The following EFHD1 variants were observed in gnomAD, a reference collection of about 807,000 sequenced individuals.
The protein encoded by EFHD1 is EF-hand domain family member D1, also known as EF-hand domain-containing protein D1.
A neutral mutation model predicts 17.2 loss-of-function variants in EFHD1; 10 were observed. The observed-to-expected ratio is 0.58, with a 90% confidence interval of 0.36 to 0.99. The LOEUF (loss-of-function observed/expected upper bound fraction) is 0.99. Ranked by LOEUF, EFHD1 falls within the 50% of genes least tolerant of loss-of-function variation. The pLI, the probability that EFHD1 is intolerant of heterozygous loss-of-function variation, is 0.01. For synonymous variants in EFHD1, 153 were observed against 142.0 expected (o/e 1.08, Z -0.55); for missense variants, 310 against 327.5 (o/e 0.95, Z 0.41).
At chr2:232,626,382 T>TAA (rs35824980) in intron 1 of EFHD1, among the ~76,000 whole-genome samples, 1 of 151,174 alleles carries the variant, frequency 6.6e-6, no homozygotes, top group African/African-American at 2.4e-5. Context: ...CTCACCTCTA[T>TAA]AAAAAATACA....
intron 1 of EFHD1, among the ~76,000 whole-genome samples, chr2:232,653,440 G>A (rs905829784): frequency 1.3e-5 from 2 of 152,118 alleles, no homozygotes; most frequent in South Asian, 2.1e-4. Context: ...ACAGGCACGC[G>A]CCACCAGGTC....
At chr2:232,650,952 G>T (rs918265013) in intron 1 of EFHD1, among the ~76,000 whole-genome samples, 1 of 152,196 alleles carries the variant, frequency 6.6e-6, no homozygotes, top group African/African-American at 2.4e-5. Context: ...TAAGATGTTG[G>T]CAGAGAAGGA....
intron 1 of EFHD1, chr2:232,638,301 C>G (rs1328944705): frequency 2.1e-6 from 1 of 468,550 alleles, no homozygotes; most frequent in Non-Finnish European, 4.4e-6. Flanking sequence ...TCTTAAAATG[C>G]AGCCGCAAGG....
chr2:232,674,186 C>A (rs534992841), intron 3 of EFHD1, among the ~76,000 whole-genome samples: 1 of 152,200 alleles, frequency 6.6e-6, no homozygotes, highest in Non-Finnish European at 1.5e-5. Flanking sequence ...GGATAACAGG[C>A]GTGAGCCACC....
At position 232,633,749 on chromosome 2, in the gene EFHD1, G is replaced by A; in HGVS notation, c.45G>A (p.Arg15=). The change falls in exon 1 of 4, where the codon CGG becomes CGA. Residue 15 remains arginine (R), a synonymous_variant. Transcript: ENST00000264059. ...CGTGCAAGCTGGAGCGCCGGCTGCG[G>A]CGCGAGGAGGCCGAGGAGAGTGGCC... ...ELACKLERRL[R]REEAEESGPQ... is the part of the protein sequence containing the mutation. 6.8e-7 allele frequency: 1 copy of A among 1,469,470 alleles called. No individual in the cohort carries two copies. 91.0% of individuals were successfully genotyped at this position (1,469,470 alleles called of 1,614,324 possible). A position where few individuals can be genotyped will look rare whatever the true frequency, so the allele number is the denominator to read the frequency against.
chr2:232,607,715 C>T (rs1309063228), intron 1 of EFHD1, among the ~76,000 whole-genome samples: 1 of 151,552 alleles, frequency 6.6e-6, no homozygotes, highest in Non-Finnish European at 1.5e-5. Flanking sequence ...GATTGGGCCA[C>T]TGCACTCCAG....
intron 1 of EFHD1, among the ~76,000 whole-genome samples, chr2:232,627,014 G>GTCTCTCTC (rs34012045): frequency 0.03 from 2,103 of 69,112 alleles, 50 homozygotes; most frequent in Non-Finnish European, 0.039. Flanking sequence ...GTGAGATCCT[G>GTCTCTCTC]TCTCTCTCTC....
In EFHD1 at chr2:232,633,923, G is replaced by A. The variant is rs758615295; in HGVS notation, c.219G>A (p.Arg73=). ...LDINEGAARP[R]RCRVFNPYTE... is the part of the protein sequence containing the mutation. ...TCAACGAGGGCGCTGCGCGGCCCCG[G>A]CGCTGCAGGGTCTTCAACCCCTACA... Residue 73 remains arginine, a synonymous_variant, in exon 1 of 4, where the codon CGG becomes CGA. Transcript: ENST00000264059. 2.5e-6 allele frequency: 4 copies of A among 1,590,302 alleles called. No individual in the cohort carries two copies. In the Admixed American group the frequency reaches 5.0e-5, roughly 20 times the overall value.
At chr2:232,633,402 G>T, upstream of EFHD1, 1 of 1,159,154 alleles carries the variant, frequency 8.6e-7, no homozygotes, top group Non-Finnish European at 1.1e-6. Context: ...GGGACGGTCA[G>T]CCTCCCGCCC....
At chr2:232,660,030 T>G (rs1048885139) in intron 1 of EFHD1, among the ~76,000 whole-genome samples, 6 of 152,126 alleles carry the variant, frequency 3.9e-5, no homozygotes, top group African/African-American at 1.4e-4. Flanking sequence ...TCCACCCCCA[T>G]GATCCAACCG....
chr2:232,611,352 C>T (rs533905602), intron 1 of EFHD1: 3 of 152,288 alleles, frequency 2.0e-5, no homozygotes, highest in Admixed American at 1.3e-4. Context: ...CTGAGTCTCT[C>T]TGAAGCCCTA....
chr2:232,639,802 T>G (rs1179918991), intron 1 of EFHD1, among the ~76,000 whole-genome samples: 4 of 152,180 alleles, frequency 2.6e-5, no homozygotes, highest in Non-Finnish European at 5.9e-5. Flanking sequence ...CACTGACATC[T>G]GGGGTTGGCA....
intron 1 of EFHD1, chr2:232,610,584 A>T (rs1693798109): frequency 6.6e-6 from 1 of 152,434 alleles, no homozygotes; most frequent in Non-Finnish European, 1.5e-5. Flanking sequence ...CCCCGAAAAA[A>T]TATACTGGGC....
At chr2:232,627,064 ATTTTTTT>A (rs56085382) in intron 1 of EFHD1, among the ~76,000 whole-genome samples, 2 of 92,236 alleles carry the variant, frequency 2.2e-5, no homozygotes, top group Admixed American at 1.4e-4. Flanking sequence ...ATATATATAT[ATTTTTTT>A]TTTTTTTTAA....
In EFHD1 at chr2:232,633,630, G is replaced by A. The variant is rs62191635; in HGVS notation, c.-75G>A. 0.024 allele frequency: 31,946 copies of A among 1,354,786 alleles called. 484 individuals are homozygous for A. The highest frequency in any genetic ancestry group is 0.026 in the Non-Finnish European group (27,263 of 1,062,862). The allele number at this position is 1,354,786 out of a possible 1,614,324, so 83.9% of individuals were successfully genotyped here. On this transcript the variant is annotated 5_prime_UTR_variant, in exon 1 of 4. Coordinates refer to ENST00000264059, the MANE Select transcript of EFHD1 (RefSeq NM_025202.4). ...GAGTGTTGTAGAGCCTCGAGCCTGC[G>A]AGGAGCGCGCCGCCCGCCAGCTCCC...
chr2:232,614,064 GCA>G (rs1198804048), intron 1 of EFHD1, among the ~76,000 whole-genome samples: 3 of 150,406 alleles, frequency 2.0e-5, no homozygotes, highest in African/African-American at 7.3e-5. Flanking sequence ...ACATACACAT[GCA>G]CACACATTAT....
At chr2:232,673,483 C>G (rs1350483970) in intron 3 of EFHD1, among the ~76,000 whole-genome samples, 1 of 152,128 alleles carries the variant, frequency 6.6e-6, no homozygotes, top group African/African-American at 2.4e-5. Context: ...TCATCCACCC[C>G]CTGCAAATGC....
intron 3 of EFHD1, among the ~76,000 whole-genome samples, chr2:232,677,237 CACACGT>C (rs1446676665): frequency 7.1e-6 from 1 of 140,504 alleles, no homozygotes; most frequent in South Asian, 2.3e-4. Context: ...CACACACACA[CACACGT>C]ACACACACAC....
At chr2:232,663,661 C>G (rs1330078981) in intron 2 of EFHD1, among the ~76,000 whole-genome samples, 1 of 152,160 alleles carries the variant, frequency 6.6e-6, no homozygotes, top group African/African-American at 2.4e-5. Flanking sequence ...CCACCAAGCC[C>G]GGCCTACATG....
Sources: gnomAD v4.1 joint callset for allele counts (sites outside exome capture counted in the v4.1 genomes callset) on GRCh38, gnomAD v4.1.1 for gene constraint, MANE v1.5 for transcripts, NCBI Gene and HGNC (gene_info 2026-07-23, HGNC 2026-07-21) for gene names.